Variants in UNC5C observed in about 807,000 individuals in gnomAD.
UNC5C encodes the protein unc-5 netrin receptor C, also known as netrin receptor UNC5C.
Under a neutral mutation model 99.8 loss-of-function variants are expected in UNC5C, and 47 were observed. The observed-to-expected ratio is 0.47, with a 90% confidence interval of 0.37 to 0.60. UNC5C has a LOEUF of 0.60. Among genes scored for constraint, UNC5C ranks in the 20% least tolerant of loss-of-function variants. UNC5C has a pLI of 0.00. For synonymous variants in UNC5C, 487 were observed against 452.2 expected (o/e 1.08, Z -0.98); for missense variants, 1,062 against 1,165.9 (o/e 0.91, Z 1.30).
At chr4:95,420,073 A>G (rs1391002706) in intron 1 of UNC5C, among the ~76,000 whole-genome samples, 1 of 152,176 alleles carries the variant, frequency 6.6e-6, no homozygotes. Context: ...AATACCTATA[A>G]TCAGATGCGA....
chr4:95,339,708 T>G (rs907912001), intron 1 of UNC5C, among the ~76,000 whole-genome samples: 1 of 152,116 alleles, frequency 6.6e-6, no homozygotes, highest in African/African-American at 2.4e-5. Context: ...TTATTACCTT[T>G]TCTATAAATG....
chr4:95,544,922 C>A (rs1227607094), intron 1 of UNC5C, among the ~76,000 whole-genome samples: 1 of 152,216 alleles, frequency 6.6e-6, no homozygotes, highest in African/African-American at 2.4e-5. Context: ...AAAGCCATGA[C>A]CTAAATCAGA....
intron 1 of UNC5C, among the ~76,000 whole-genome samples, chr4:95,371,721 CAATA>C (rs750803810): frequency 1.3e-5 from 2 of 152,050 alleles, no homozygotes; most frequent in Admixed American, 1.3e-4. Flanking sequence ...AGTGTTTGTT[CAATA>C]AATAGTTTTT....
chr4:95,212,161 T>C (rs185135970), intron 10 of UNC5C, among the ~76,000 whole-genome samples: 1 of 152,302 alleles, frequency 6.6e-6, no homozygotes, highest in African/African-American at 2.4e-5. Context: ...TTAATAGATG[T>C]ATATGATAGT....
At position 95,166,464 on chromosome 4, in the gene UNC5C, G is replaced by A. The variant is rs990343902; in HGVS notation, c.*2770C>T. On this transcript the variant is annotated 3_prime_UTR_variant, in exon 16 of 16. Transcript: ENST00000453304. ...CTTTTCCCTTTTCTGGTGGTGGGAA[G>A]TTGAACCAAAAAAGCATCTGAAGTG... 2 of 152,202 alleles carry A rather than the reference G, an allele frequency of 1.3e-5. No homozygotes were observed. The highest frequency in any genetic ancestry group is 1.5e-5 in the Non-Finnish European group (1 of 68,042). The allele number at this position is 152,202 out of a possible 1,614,324, so 9.4% of individuals were successfully genotyped here. A position where few individuals can be genotyped will look rare whatever the true frequency, so the allele number is the denominator to read the frequency against.
At chr4:95,534,745 T>C (rs957552977) in intron 1 of UNC5C, among the ~76,000 whole-genome samples, 5 of 152,264 alleles carry the variant, frequency 3.3e-5, no homozygotes, top group African/African-American at 1.2e-4. Flanking sequence ...TATGTGTCAG[T>C]CAAAACATAT....
At chr4:95,492,210 C>T (rs1721512637) in intron 1 of UNC5C, among the ~76,000 whole-genome samples, 1 of 151,328 alleles carries the variant, frequency 6.6e-6, no homozygotes, top group African/African-American at 2.4e-5. Flanking sequence ...AATAGCTACA[C>T]TATCTTAATT....
rs910991920 is a variant in UNC5C at position 95,376,403 on chromosome 4, G to A, written c.125-40772C>T. 5.9e-5 allele frequency among the ~76,000 whole-genome samples: 9 copies of A among 151,876 alleles called. No homozygotes were observed. The East Asian group carries it at 1.4e-3, about 23-fold the overall frequency. The stretch of plus-strand genomic sequence containing the variant: ...TAGATTCCTTTTAAACATTAAAATC[G>A]TTTTCATATTCTATATGAACAAGTA... On this transcript the variant is annotated intron_variant, in intron 1 of 15. Coordinates refer to ENST00000453304, the MANE Select transcript of UNC5C (RefSeq NM_003728.4).
intron 4 of UNC5C, among the ~76,000 whole-genome samples, chr4:95,275,291 G>A (rs946842338): frequency 1.3e-5 from 2 of 152,122 alleles, no homozygotes; most frequent in African/African-American, 4.8e-5. Context: ...TACTCAGTAA[G>A]AATTTTGAAT....
chr4:95,525,313 C>T (rs1722468461), intron 1 of UNC5C, among the ~76,000 whole-genome samples: 1 of 152,078 alleles, frequency 6.6e-6, no homozygotes, highest in Admixed American at 6.6e-5. Context: ...TTATAATTCT[C>T]TTTGAGCAAA....
chr4:95,470,652 G>T (rs1039064385), intron 1 of UNC5C, among the ~76,000 whole-genome samples: 8 of 152,052 alleles, frequency 5.3e-5, no homozygotes, highest in Admixed American at 2.0e-4. Context: ...ACACTCAAAA[G>T]GCTATTGCAA....
chr4:95,442,724 G>T (rs1479364036), intron 1 of UNC5C, among the ~76,000 whole-genome samples: 1 of 152,020 alleles, frequency 6.6e-6, no homozygotes, highest in African/African-American at 2.4e-5. Flanking sequence ...CACAAATGTA[G>T]CCTAATATAA....
chr4:95,337,022 G>A (rs555809379), intron 1 of UNC5C, among the ~76,000 whole-genome samples: 30 of 152,014 alleles, frequency 2.0e-4, no homozygotes, highest in Non-Finnish European at 4.0e-4. Flanking sequence ...AAAGGGATGA[G>A]GAACTGAACT....
chr4:95,175,514 G>A (rs1309807613), intron 14 of UNC5C, among the ~76,000 whole-genome samples: 1 of 150,480 alleles, frequency 6.6e-6, no homozygotes, highest in Non-Finnish European at 1.5e-5. Context: ...GCTTAGTTTG[G>A]CTGGATATGA....
At chr4:95,178,703 A>AAGAT (rs771452016) in intron 14 of UNC5C, among the ~76,000 whole-genome samples, 47 of 152,364 alleles carry the variant, frequency 3.1e-4, no homozygotes, top group Non-Finnish European at 5.9e-4. Flanking sequence ...AGGCCAGTTG[A>AAGAT]AGATAGATAG....
intron 1 of UNC5C, among the ~76,000 whole-genome samples, chr4:95,528,178 T>A (rs901623606): frequency 6.6e-6 from 1 of 152,216 alleles, no homozygotes; most frequent in Non-Finnish European, 1.5e-5. Context: ...AACATTCTTA[T>A]GTTTTGAATT....
At chr4:95,217,416 T>C (rs866295719) in intron 9 of UNC5C, among the ~76,000 whole-genome samples, 2 of 152,294 alleles carry the variant, frequency 1.3e-5, no homozygotes, top group Middle Eastern at 6.8e-3. Flanking sequence ...ACAGAATGAT[T>C]TGTGGAGGAC....
rs191278557 is a variant in UNC5C at position 95,367,308 on chromosome 4, A to T, written c.125-31677T>A. On this transcript the variant is annotated intron_variant, in intron 1 of 15. Transcript: ENST00000453304. The stretch of plus-strand genomic sequence containing the variant: ...CTTAGCCTCACAAGTAGTTGGGATT[A>T]TGGGCGTACACCACCATGCCCAGCT... Among the ~76,000 whole-genome samples, 203 of 150,168 alleles carry T rather than the reference A, an allele frequency of 1.4e-3. 1 individual carries two copies. Among genetic ancestry groups the T allele is most frequent in the African/African-American group, 4.7e-3 (192 of 40,740 alleles).
At chr4:95,202,231 A>G (rs367926941) in intron 12 of UNC5C, among the ~76,000 whole-genome samples, 1 of 152,182 alleles carries the variant, frequency 6.6e-6, no homozygotes. Flanking sequence ...CGAATGGGAT[A>G]AAATGAATGG....
Sources: allele counts gnomAD v4.1 joint callset (sites outside exome capture counted in the v4.1 genomes callset), GRCh38; gene constraint gnomAD v4.1.1; transcripts MANE v1.5; gene names NCBI Gene and HGNC (gene_info 2026-07-23, HGNC 2026-07-21).